Variants in KIF13A observed in about 807,000 individuals in gnomAD.
KIF13A encodes kinesin-like protein KIF13A.
KIF13A carries 79 observed loss-of-function variants against 212.2 expected under a neutral mutation model. The observed-to-expected ratio is 0.37, with a 90% CI of 0.31 to 0.45. The LOEUF is 0.45. Among genes scored for constraint, KIF13A ranks in the 20% least tolerant of loss-of-function variants. The pLI is 1.00. For synonymous variants in KIF13A, 789 were observed against 808.6 expected (o/e 0.98, Z 0.41); for missense variants, 1,901 against 2,209.0 (o/e 0.86, Z 2.79).
At chr6:17,823,949 G>A (rs2150363017) in intron 16 of KIF13A, among the ~76,000 whole-genome samples, 1 of 130,060 alleles carries the variant, frequency 7.7e-6, no homozygotes, top group South Asian at 2.5e-4. Context: ...GTCTCATTCT[G>A]TCGCCCAGGC....
At chr6:17,762,694 C>A (rs904828732), downstream of KIF13A, among the ~76,000 whole-genome samples, 1 of 152,164 alleles carries the variant, frequency 6.6e-6, no homozygotes, top group African/African-American at 2.4e-5. Context: ...CTGCTTTAAT[C>A]CAGGTAAAGA....
rs1781172654 is a variant in KIF13A at position 17,982,419 on chromosome 6, G to C, written c.146+4635C>G. 2.2e-5 allele frequency: 22 copies of C among 984,358 alleles called. 1 individual carries two copies. In the South Asian group the frequency reaches 1.0e-3, roughly 46 times the overall value. 61.0% of individuals were successfully genotyped at this position (984,358 alleles called of 1,614,324 possible). On this transcript the variant is annotated intron_variant, in intron 2 of 38. Transcript: ENST00000259711. The surrounding 1 kb of genome is among the most constrained non-coding windows in gnomAD (Gnocchi z 5.1). ...GGCCCCCAGGATTTGGAGCATTTTA[G>C]ATTTCAGATGTTCAGACAGGGATAC... is the stretch of plus-strand genomic sequence containing the variant.
chr6:17,824,596 T>C (rs2150363659), intron 16 of KIF13A, among the ~76,000 whole-genome samples: 1 of 151,764 alleles, frequency 6.6e-6, no homozygotes, highest in Admixed American at 6.6e-5. Context: ...CCGTCTCTAC[T>C]AAAAATACAA....
chr6:17,946,723 A>T (rs536572915), intron 2 of KIF13A, among the ~76,000 whole-genome samples: 1 of 152,316 alleles, frequency 6.6e-6, no homozygotes, highest in South Asian at 2.1e-4. Flanking sequence ...TAACATGCAC[A>T]TATGCTATGA....
At chr6:17,790,842 G>A (rs916337771) in intron 25 of KIF13A, among the ~76,000 whole-genome samples, 4 of 152,182 alleles carry the variant, frequency 2.6e-5, no homozygotes, top group African/African-American at 9.7e-5. Context: ...GGATTGGTCA[G>A]TACTCTCTAT....
chr6:17,836,949 G>C lies in KIF13A; in HGVS notation c.1084C>G (p.Pro362Ala). 6.2e-7 allele frequency: 1 copy of C among 1,613,804 alleles called. No individual in the cohort carries two copies. Among genetic ancestry groups the C allele is most frequent in the Non-Finnish European group, 8.5e-7 (1 of 1,179,866 alleles). Residue 362 changes from proline to alanine, a missense_variant, in exon 11 of 39, where the codon CCC (proline) becomes GCC (alanine). This residue lies in a region of KIF13A where 506 missense variants were observed against 637.4 expected (regional missense o/e 0.79). Transcript: ENST00000259711. ...IVNHAVVNED[P>A]NAKVIRELRE... ...AGTTCTCGGATCACTTTTGCGTTGG[G>C]GTCCTCATTCACAACAGCATGGTTC...
intron 2 of KIF13A, among the ~76,000 whole-genome samples, chr6:17,921,838 A>C (rs1158629780): frequency 6.6e-6 from 1 of 152,164 alleles, no homozygotes; most frequent in African/African-American, 2.4e-5. Context: ...TTCCCCCAGT[A>C]GAAGTTTTGT....
chr6:17,907,865 A>G (rs1773660926), intron 2 of KIF13A, among the ~76,000 whole-genome samples: 1 of 152,236 alleles, frequency 6.6e-6, no homozygotes, highest in Non-Finnish European at 1.5e-5. Flanking sequence ...TTTTCTCAGA[A>G]GAAATTGCCA....
intron 4 of KIF13A, among the ~76,000 whole-genome samples, chr6:17,870,307 T>A (rs1234970611): frequency 1.3e-5 from 2 of 152,186 alleles, no homozygotes; most frequent in Non-Finnish European, 2.9e-5. Context: ...AACCTAAAAT[T>A]TACTAAATTT....
At chr6:17,801,081 T>C (rs1204563882) in intron 20 of KIF13A, among the ~76,000 whole-genome samples, 1 of 152,096 alleles carries the variant, frequency 6.6e-6, no homozygotes, top group African/African-American at 2.4e-5. Flanking sequence ...TGAGTGAATA[T>C]GAAATGCTTC....
chr6:17,893,257 G>A (rs1487231960), intron 3 of KIF13A, among the ~76,000 whole-genome samples: 1 of 152,170 alleles, frequency 6.6e-6, no homozygotes. Context: ...GCCCTTACCT[G>A]AGCACAGCTG....
intron 2 of KIF13A, among the ~76,000 whole-genome samples, chr6:17,986,231 T>C (rs1166020050): frequency 6.6e-6 from 1 of 152,250 alleles, no homozygotes; most frequent in Non-Finnish European, 1.5e-5. Flanking sequence ...TACAAGCTAC[T>C]GCATTATTAT....
rs903953895 is a variant in KIF13A, at chr6:17,804,623, A to G, written c.2305-113T>C. ...AAATTTAAAGAATCTATCCATTTAA[A>G]CAGCAAGTAAAATTATAATGTCACA... On this transcript the variant is annotated intron_variant, in intron 19 of 38. Transcript: ENST00000259711. 21 of 1,053,318 alleles carry G rather than the reference A, an allele frequency of 2.0e-5. No homozygotes were observed. In the African/African-American group the frequency reaches 3.4e-4, roughly 17 times the overall value. The allele number at this position is 1,053,318 out of a possible 1,614,324, so 65.2% of individuals were successfully genotyped here.
intron 3 of KIF13A, among the ~76,000 whole-genome samples, chr6:17,893,028 C>T (rs1208726374): frequency 6.6e-6 from 1 of 152,186 alleles, no homozygotes; most frequent in Non-Finnish European, 1.5e-5. Flanking sequence ...TGGAGGCAGC[C>T]TTATGGGACT....
intron 3 of KIF13A, 69 bp from the exon 4 acceptor site, chr6:17,873,506 A>C: frequency 9.1e-7 from 1 of 1,097,388 alleles, no homozygotes; most frequent in Non-Finnish European, 1.3e-6. Flanking sequence ...AGACTAAAAT[A>C]AATCACAGGT....
chr6:17,810,772 G>C (rs113318265), intron 17 of KIF13A, among the ~76,000 whole-genome samples: 6,537 of 152,148 alleles, frequency 0.043, 350 homozygotes, highest in African/African-American at 0.12. Context: ...TAGATCTCTC[G>C]CATGTACAGT....
chr6:17,887,305 A>T (rs990727039), intron 3 of KIF13A, among the ~76,000 whole-genome samples: 4 of 152,152 alleles, frequency 2.6e-5, no homozygotes, highest in African/African-American at 7.2e-5. Flanking sequence ...CATCAGGGAA[A>T]TATATTTTCG....
chr6:17,789,801 T>A lies in KIF13A; in HGVS notation c.3261+71A>T. Reference sequence around the variant, plus strand: ...GGGCCCTCCTTCCTCCTCCCTGGCCTCTGCTTTGCGAATGCTGGCAATTAG... The same window carrying A: ...GGGCCCTCCTTCCTCCTCCCTGGCCACTGCTTTGCGAATGCTGGCAATTAG... On this transcript the variant is annotated intron_variant, in intron 26 of 38. Coordinates refer to ENST00000259711, the MANE Select transcript of KIF13A (RefSeq NM_022113.6). The surrounding 1 kb of genome is among the most constrained non-coding windows in gnomAD (Gnocchi z 4.8). 7.4e-7 allele frequency: 1 copy of A among 1,356,016 alleles called. No homozygotes were observed. Among genetic ancestry groups the A allele is most frequent in the East Asian group, 2.3e-5 (1 of 43,478 alleles). 84.0% of individuals were successfully genotyped at this position (1,356,016 alleles called of 1,614,324 possible).
chr6:17,794,766 A>T lies in KIF13A; in HGVS notation c.2943-62T>A. 6.5e-7 allele frequency: 1 copy of T among 1,532,788 alleles called. No homozygotes were observed. The highest frequency in any genetic ancestry group is 2.2e-5 in the East Asian group (1 of 44,454). The allele number at this position is 1,532,788 out of a possible 1,614,324, so 94.9% of individuals were successfully genotyped here. A position where few individuals can be genotyped will look rare whatever the true frequency, so the allele number is the denominator to read the frequency against. ...GTCCAGGGATACTGTTAGTAATAGT[A>T]ATAAGCCACCATTCACTGAGCACTT... On this transcript the variant is annotated intron_variant, in intron 23 of 38. Transcript: ENST00000259711. This position sits in a 1 kb window ranked among gnomAD's most constrained non-coding sequence, Gnocchi z 4.1.
Sources: allele counts gnomAD v4.1 joint callset (sites outside exome capture counted in the v4.1 genomes callset), GRCh38; gene constraint gnomAD v4.1.1; regional missense constraint gnomAD v4.1.1; non-coding constraint Gnocchi (gnomAD v3.1); transcripts MANE v1.5; gene names NCBI Gene and HGNC (gene_info 2026-07-23, HGNC 2026-07-21).